IGF1: variants seen among roughly 807,000 people sequenced by gnomAD.
IGF1 encodes insulin-like growth factor 1.
IGF1 carries 4 observed loss-of-function variants against 13.8 expected under a neutral mutation model. The observed-to-expected ratio is 0.29, with a 90% CI of 0.14 to 0.66. IGF1 has a LOEUF of 0.66. Ranked by LOEUF, IGF1 falls within the 30% of genes least tolerant of loss-of-function variation. The pLI is 0.78. For synonymous variants in IGF1, 76 were observed against 72.6 expected, an observed-to-expected ratio of 1.05 and a Z score of -0.23; for missense variants, 124 against 188.5, an observed-to-expected ratio of 0.66 and a Z score of 2.00.
At chr12:102,479,520 C>A (rs1210095965) in intron 1 of IGF1, among the ~76,000 whole-genome samples, 2 of 152,160 alleles carry the variant, frequency 1.3e-5, no homozygotes, top group South Asian at 2.1e-4. Context: ...CCAGATTTAC[C>A]TAAAGGGACT....
At chr12:102,431,629 C>T (rs1824881839) in intron 2 of IGF1, among the ~76,000 whole-genome samples, 1 of 152,122 alleles carries the variant, frequency 6.6e-6, no homozygotes, top group Non-Finnish European at 1.5e-5. Flanking sequence ...TACTCGGGAA[C>T]ACCTTGAAAG....
At chr12:102,402,633 T>A (rs1238426393) in intron 3 of IGF1, 67 bp from the exon 4 acceptor site, 1 of 776,640 alleles carries the variant, frequency 1.3e-6, no homozygotes, top group African/African-American at 1.7e-5. Context: ...ATTTCTAACA[T>A]TGGGCCTCAA....
chr12:102,466,169 T>C (rs1254517791), intron 2 of IGF1, among the ~76,000 whole-genome samples: 1 of 152,166 alleles, frequency 6.6e-6, no homozygotes, highest in African/African-American at 2.4e-5. Context: ...GGAAGAACTT[T>C]TATTTTTCAG....
intron 3 of IGF1, among the ~76,000 whole-genome samples, chr12:102,409,305 T>C (rs1156970249): frequency 6.6e-6 from 1 of 152,240 alleles, no homozygotes; most frequent in Non-Finnish European, 1.5e-5. Context: ...AGCATTGATG[T>C]TCTGTAGAGT....
intron 3 of IGF1, among the ~76,000 whole-genome samples, chr12:102,416,523 TCCTGGCCAAAA>T (rs1182554132): frequency 6.6e-6 from 1 of 152,206 alleles, no homozygotes; most frequent in Non-Finnish European, 1.5e-5. Context: ...TGCTGTTGTC[TCCTGGCCAAAA>T]GAAGAGCAGC....
chr12:102,458,115 T>C (rs1013748492), intron 2 of IGF1, among the ~76,000 whole-genome samples: 2 of 152,252 alleles, frequency 1.3e-5, no homozygotes. Context: ...TGTAACTTGT[T>C]GACAATCCTT....
intron 2 of IGF1, among the ~76,000 whole-genome samples, chr12:102,451,984 C>T (rs563092753): frequency 1.3e-5 from 2 of 152,064 alleles, no homozygotes; most frequent in Admixed American, 6.6e-5. Flanking sequence ...CTACTTCGGC[C>T]GGGCGCGGTG....
intron 2 of IGF1, among the ~76,000 whole-genome samples, chr12:102,422,499 A>G (rs1875820869): frequency 6.6e-6 from 1 of 152,128 alleles, no homozygotes; most frequent in Admixed American, 6.5e-5. Flanking sequence ...CAAACAAAAA[A>G]CTCATTTCTC....
intron 2 of IGF1, among the ~76,000 whole-genome samples, chr12:102,423,552 C>T (rs1011431606): frequency 6.6e-6 from 1 of 152,204 alleles, no homozygotes; most frequent in Non-Finnish European, 1.5e-5. Context: ...TAGACTTTGA[C>T]TCCTCCATGA....
chr12:102,444,262 T>C (rs1235632021), intron 2 of IGF1, among the ~76,000 whole-genome samples: 1 of 151,810 alleles, frequency 6.6e-6, no homozygotes, highest in East Asian at 1.9e-4. Context: ...TTTTTTTTTC[T>C]ACCTAACAGT....
intron 2 of IGF1, among the ~76,000 whole-genome samples, chr12:102,444,990 G>A (rs1035977285): frequency 1.3e-5 from 2 of 152,060 alleles, no homozygotes; most frequent in Non-Finnish European, 2.9e-5. Flanking sequence ...TTATTAAATA[G>A]GGAATCCTTT....
chr12:102,415,787 G>T (rs930241673), intron 3 of IGF1: 2 of 152,158 alleles, frequency 1.3e-5, no homozygotes, highest in Non-Finnish European at 2.9e-5. Flanking sequence ...CTACTCTAAG[G>T]TGATGGTTGT....
In IGF1 at chr12:102,402,297, A is replaced by C. The variant is rs911907364; in HGVS notation, c.*210T>G. 1.1e-5 allele frequency: 6 copies of C among 556,628 alleles called. No individual in the cohort carries two copies. The highest frequency in any genetic ancestry group is 1.9e-5 in the Non-Finnish European group (6 of 309,932). 34.5% of individuals were successfully genotyped at this position (556,628 alleles called of 1,614,324 possible). A position where few individuals can be genotyped will look rare whatever the true frequency, so the allele number is the denominator to read the frequency against. On this transcript the variant is annotated 3_prime_UTR_variant, in exon 4 of 4. Coordinates refer to ENST00000337514, the MANE Select transcript of IGF1 (RefSeq NM_000618.5). ...ATTGATAAAAGATCAACAGCAATCT[A>C]CCAACTCCAGGACCATTTTTGCAAG...
intron 2 of IGF1, among the ~76,000 whole-genome samples, chr12:102,442,548 C>T (rs1877956481): frequency 6.6e-6 from 1 of 152,074 alleles, no homozygotes; most frequent in African/African-American, 2.4e-5. Context: ...CTACCTCAAC[C>T]CCTATGATTT....
chr12:102,423,239 T>A (rs1225338289), intron 2 of IGF1: 1 of 128,160 alleles, frequency 7.8e-6, no homozygotes, highest in African/African-American at 2.9e-5. Context: ...CACTTTTTAA[T>A]TGTCCTTACT....
At position 102,439,719 on chromosome 12, in the gene IGF1, A is replaced by G. The variant is rs1369317653; in HGVS notation, c.221-20029T>C. ...TGGAAAAGATCCAGCTAGGAGAAGG[A>G]AAAAAAAAAAAAAAGATTAACTGGG... On this transcript the variant is annotated intron_variant, in intron 2 of 3. Transcript: ENST00000337514. 9.1e-4 allele frequency among the ~76,000 whole-genome samples: 7 copies of G among 7,730 alleles called. No individual in the cohort carries two copies. In the Admixed American group the frequency reaches 0.015, roughly 17 times the overall value. The allele number at this position is 7,730 out of a possible 152,430, so 5.1% of individuals were successfully genotyped here.
intron 2 of IGF1, among the ~76,000 whole-genome samples, chr12:102,434,955 G>A (rs1455778644): frequency 1.3e-5 from 2 of 152,078 alleles, no homozygotes; most frequent in Non-Finnish European, 2.9e-5. Flanking sequence ...CTCTGTATTT[G>A]CAGGTTTCAT....
At chr12:102,405,103 T>G (rs1874033246) in intron 3 of IGF1, among the ~76,000 whole-genome samples, 1 of 151,020 alleles carries the variant, frequency 6.6e-6, no homozygotes, top group Non-Finnish European at 1.5e-5. Flanking sequence ...CTTTCTTTTT[T>G]TTGAGTTGGA....
intron 2 of IGF1, among the ~76,000 whole-genome samples, chr12:102,451,487 A>G (rs1028367897): frequency 4.6e-5 from 7 of 152,238 alleles, no homozygotes; most frequent in African/African-American, 1.7e-4. Flanking sequence ...CAAATCTAAT[A>G]CCAGTTTTTG....
Sources: allele counts gnomAD v4.1 joint callset (sites outside exome capture counted in the v4.1 genomes callset), GRCh38; gene constraint gnomAD v4.1.1; transcripts MANE v1.5; gene names NCBI Gene and HGNC (gene_info 2026-07-23, HGNC 2026-07-21).